The following ADGRE3 variants were observed in gnomAD, a reference collection of about 807,000 sequenced individuals.
ADGRE3 encodes adhesion G protein-coupled receptor E3, also known as EGF-like module receptor 3.
A neutral mutation model predicts 80.1 loss-of-function variants in ADGRE3; 88 were observed. The ratio of observed to expected loss-of-function variants is 1.10; its 90% CI spans 0.93 to 1.31. The LOEUF (loss-of-function observed/expected upper bound fraction) is 1.31, where lower values mean the gene tolerates loss of function less well. Ranked by LOEUF, ADGRE3 falls within the 40% of genes most tolerant of loss-of-function variation. The pLI, the probability that ADGRE3 is intolerant of heterozygous loss-of-function variation, is 0.00. For missense variants in ADGRE3, 715 were observed against 776.5 expected (o/e 0.92, Z 0.94); for synonymous variants, 281 against 294.8 (o/e 0.95, Z 0.48).
At position 14,651,218 on chromosome 19, in the gene ADGRE3, C is replaced by A. The variant is rs777804113; in HGVS notation, c.578-14G>T. On this transcript the variant is annotated splice_polypyrimidine_tract_variant and intron_variant, in intron 6 of 15. Coordinates refer to ENST00000253673, the MANE Select transcript of ADGRE3 (RefSeq NM_032571.5). ...GAGTTTCAATAGCTGGTAAGAAAAG[C>A]AATGGGCAGGCTTAGTGATATTGTA... is the stretch of plus-strand genomic sequence containing the variant. 2 of 1,613,924 alleles carry A rather than the reference C, an allele frequency of 1.2e-6. No individual in the cohort carries two copies. Among genetic ancestry groups the A allele is most frequent in the Non-Finnish European group, 1.7e-6 (2 of 1,179,864 alleles).
At chr19:14,624,491 C>T (rs991024543) in intron 15 of ADGRE3, among the ~76,000 whole-genome samples, 1 of 151,976 alleles carries the variant, frequency 6.6e-6, no homozygotes, top group Non-Finnish European at 1.5e-5. Context: ...TGTGGTGGCT[C>T]ATACCTGTAA....
intron 9 of ADGRE3, among the ~76,000 whole-genome samples, chr19:14,643,144 G>GTTTTTTTTT (rs373306807): frequency 2.4e-5 from 3 of 124,066 alleles, no homozygotes; most frequent in African/African-American, 6.0e-5. Context: ...AGTAATCATG[G>GTTTTTTTTT]TTTTTTTTTT....
intron 2 of ADGRE3, among the ~76,000 whole-genome samples, chr19:14,665,577 C>T (rs1237593704): frequency 6.6e-6 from 1 of 151,970 alleles, no homozygotes; most frequent in Non-Finnish European, 1.5e-5. Context: ...GCAGCCTCAA[C>T]CTCCTGGGCT....
At chr19:14,604,705 G>A in the ADGRE3 span, among the ~76,000 whole-genome samples, 1 of 151,988 alleles carries the variant, frequency 6.6e-6, no homozygotes. Context: ...GGAGGGTGCA[G>A]TGAGCTGGGA....
At chr19:14,657,142 C>G (rs1372441518) in intron 5 of ADGRE3, among the ~76,000 whole-genome samples, 1 of 152,074 alleles carries the variant, frequency 6.6e-6, no homozygotes, top group East Asian at 1.9e-4. Flanking sequence ...GGTGATCCAC[C>G]CACCTCCCAA....
chr19:14,664,356 G>A (rs1972034398), intron 2 of ADGRE3, among the ~76,000 whole-genome samples: 1 of 152,164 alleles, frequency 6.6e-6, no homozygotes, highest in South Asian at 2.1e-4. Context: ...AGAATGGCTT[G>A]AATCCGGGAG....
the ADGRE3 span, among the ~76,000 whole-genome samples, chr19:14,605,101 C>G: frequency 6.7e-6 from 1 of 148,900 alleles, no homozygotes. Context: ...GACCTCCCCA[C>G]ATTTTTTTTT....
intron 11 of ADGRE3, among the ~76,000 whole-genome samples, chr19:14,636,866 C>T (rs769922450): frequency 1.3e-5 from 2 of 151,946 alleles, no homozygotes; most frequent in Admixed American, 6.6e-5. Context: ...GGCCGAGGTG[C>T]ATGGATCACC....
the ADGRE3 span, chr19:14,610,006 G>A: frequency 7.8e-7 from 1 of 1,282,254 alleles, no homozygotes; most frequent in Non-Finnish European, 1.1e-6. Flanking sequence ...GTATTATACA[G>A]AAGAGTTTCA....
Position 14,642,335 on chromosome 19 carries a change from A to AC in ADGRE3, c.1051-720dup, listed in dbSNP as rs540551930. 1.4e-4 allele frequency among the ~76,000 whole-genome samples: 22 copies of AC among 151,940 alleles called. No individual in the cohort carries two copies. In the South Asian group the frequency reaches 4.4e-3, roughly 30 times the overall value. ...AAGACCGACCTGAGCAACAAGTGAGACCCCGTATCTAAAAAAAAAATAAAG... is the reference window on the plus strand; with the variant it reads ...AAGACCGACCTGAGCAACAAGTGAGACCCCCGTATCTAAAAAAAAAATAAAG... On this transcript the variant is annotated intron_variant, in intron 9 of 15. Coordinates refer to ENST00000253673, the MANE Select transcript of ADGRE3 (RefSeq NM_032571.5).
At chr19:14,653,152 T>A (rs1174199344) in intron 6 of ADGRE3, among the ~76,000 whole-genome samples, 1 of 151,814 alleles carries the variant, frequency 6.6e-6, no homozygotes, top group African/African-American at 2.4e-5. Flanking sequence ...CTGGCTAATT[T>A]TTTTTAGTAG....
downstream of ADGRE3, among the ~76,000 whole-genome samples, chr19:14,617,341 C>CCTCCCTCCCTCCCTCTCTTTCTTTCTTT: frequency 7.0e-5 from 4 of 57,170 alleles, no homozygotes; most frequent in Non-Finnish European, 1.1e-4. Context: ...TCCCTCCCTC[C>CCTCCCTCCCTCCCTCTCTTTCTTTCTTT]CTTTCTTTCT....
intron 8 of ADGRE3, 145 bp downstream of exon 8, chr19:14,647,036 T>A (rs1568488256): frequency 1.6e-6 from 1 of 628,632 alleles, no homozygotes; most frequent in Admixed American, 2.4e-5. Flanking sequence ...TCAGACCAGC[T>A]ACATTTCAAA....
downstream of ADGRE3, among the ~76,000 whole-genome samples, chr19:14,617,335 TCCC>T (rs2075081529): frequency 1.2e-5 from 1 of 83,352 alleles, no homozygotes; most frequent in African/African-American, 4.8e-5. Context: ...CCTCCCTCCC[TCCC>T]TCCCTTTCTT....
intron 11 of ADGRE3, among the ~76,000 whole-genome samples, chr19:14,634,419 G>A (rs1333415494): frequency 2.0e-5 from 3 of 152,174 alleles, no homozygotes; most frequent in Non-Finnish European, 4.4e-5. Flanking sequence ...TGTAATTTAA[G>A]TATGTGATTT....
chr19:14,658,086 T>C (rs1971825076), intron 5 of ADGRE3, among the ~76,000 whole-genome samples: 1 of 152,028 alleles, frequency 6.6e-6, no homozygotes, highest in East Asian at 1.9e-4. Flanking sequence ...TAGTTTTGAT[T>C]CACATTTGGT....
intron 11 of ADGRE3, among the ~76,000 whole-genome samples, chr19:14,636,412 G>T (rs148293269): frequency 6.6e-5 from 10 of 150,918 alleles, no homozygotes; most frequent in African/African-American, 2.4e-4. Flanking sequence ...TTCACATGTG[G>T]GCCAGGCTGG....
chr19:14,626,104 C>T (rs1047320268), intron 14 of ADGRE3, among the ~76,000 whole-genome samples: 3 of 118,622 alleles, frequency 2.5e-5, no homozygotes, highest in Admixed American at 8.6e-5. Flanking sequence ...ATATGTTTTA[C>T]CACAGTAAAC....
At chr19:14,662,833 G>A (rs952117084) in intron 3 of ADGRE3, among the ~76,000 whole-genome samples, 1 of 149,260 alleles carries the variant, frequency 6.7e-6, no homozygotes, top group Non-Finnish European at 1.5e-5. Flanking sequence ...TTGGGAGGCC[G>A]AGGCGGGAGG....
Sources: gnomAD v4.1 joint callset for allele counts (sites outside exome capture counted in the v4.1 genomes callset) on GRCh38, gnomAD v4.1.1 for gene constraint, MANE v1.5 for transcripts, NCBI Gene and HGNC (gene_info 2026-07-23, HGNC 2026-07-21) for gene names.